Variants in DLEU7 observed in about 807,000 individuals in gnomAD.
DLEU7 encodes the protein leukemia-associated protein 7.
In DLEU7, 17 loss-of-function variants were observed where a neutral mutation model predicts 16.0. The observed-to-expected ratio is 1.06, with a 90% CI of 0.73 to 1.59. The LOEUF (loss-of-function observed/expected upper bound fraction) is 1.59, where lower values mean the gene tolerates loss of function less well. DLEU7 is among the 40% of genes most tolerant of loss of function. The pLI, the probability that DLEU7 is intolerant of heterozygous loss-of-function variation, is 0.00. For synonymous variants in DLEU7, 113 were observed against 139.8 expected (o/e 0.81, Z 1.35); for missense variants, 308 against 314.9 (o/e 0.98, Z 0.17).
intron 1 of DLEU7, among the ~76,000 whole-genome samples, chr13:50,758,291 C>T (rs1193851422): frequency 6.6e-6 from 1 of 152,040 alleles, no homozygotes; most frequent in Non-Finnish European, 1.5e-5. Flanking sequence ...AAAAACACTC[C>T]AAAATGTGTC....
chr13:50,838,825 C>G (rs902727741), intron 1 of DLEU7, among the ~76,000 whole-genome samples: 1 of 152,140 alleles, frequency 6.6e-6, no homozygotes, highest in African/African-American at 2.4e-5. Context: ...TAAGAAGAGA[C>G]ACCAAAGACA....
At chr13:50,827,988 A>G (rs1328103293) in intron 1 of DLEU7, among the ~76,000 whole-genome samples, 1 of 152,206 alleles carries the variant, frequency 6.6e-6, no homozygotes, top group African/African-American at 2.4e-5. Context: ...TAAAACCAAA[A>G]AAAATCATTA....
At chr13:50,741,876 G>T (rs1207743569) in intron 1 of DLEU7, among the ~76,000 whole-genome samples, 1 of 152,126 alleles carries the variant, frequency 6.6e-6, no homozygotes, top group Non-Finnish European at 1.5e-5. Flanking sequence ...GTTTTTGCAT[G>T]GGAGGGCCAA....
At chr13:50,830,815 A>G (rs903390321) in intron 1 of DLEU7, among the ~76,000 whole-genome samples, 1 of 152,136 alleles carries the variant, frequency 6.6e-6, no homozygotes, top group Non-Finnish European at 1.5e-5. Context: ...GAAGCTCTCC[A>G]AGTCATTACA....
At chr13:50,724,037 A>G (rs1873695952) in intron 1 of DLEU7, among the ~76,000 whole-genome samples, 1 of 151,922 alleles carries the variant, frequency 6.6e-6, no homozygotes, top group African/African-American at 2.4e-5. Flanking sequence ...ATGTACTACC[A>G]TTGTGTTTAT....
intron 1 of DLEU7, among the ~76,000 whole-genome samples, chr13:50,764,952 G>T (rs553920821): frequency 6.6e-6 from 1 of 151,974 alleles, no homozygotes; most frequent in Non-Finnish European, 1.5e-5. Context: ...GGGCAATCTC[G>T]GCTCACTGCA....
intron 1 of DLEU7, among the ~76,000 whole-genome samples, chr13:50,838,059 CTTA>C (rs1877530013): frequency 6.6e-6 from 1 of 152,000 alleles, no homozygotes; most frequent in African/African-American, 2.4e-5. Flanking sequence ...GAAAGATTTG[CTTA>C]TTATTTTTTT....
At chr13:50,762,968 G>A (rs1346808545) in intron 1 of DLEU7, among the ~76,000 whole-genome samples, 2 of 152,176 alleles carry the variant, frequency 1.3e-5, no homozygotes, top group African/African-American at 4.8e-5. Flanking sequence ...GAGAGAAAGT[G>A]CCCTGCAGAC....
chr13:50,838,385 A>G (rs1247989263), intron 1 of DLEU7, among the ~76,000 whole-genome samples: 1 of 152,276 alleles, frequency 6.6e-6, no homozygotes, highest in Non-Finnish European at 1.5e-5. Flanking sequence ...CTTGGAAACT[A>G]TAAATGTTTT....
chr13:50,776,363 G>A (rs1875494328), intron 1 of DLEU7, among the ~76,000 whole-genome samples: 2 of 152,200 alleles, frequency 1.3e-5, no homozygotes, highest in African/African-American at 4.8e-5. Flanking sequence ...TCACTGGCCT[G>A]GGCACACTTT....
chr13:50,809,532 G>A (rs568717941), intron 1 of DLEU7, among the ~76,000 whole-genome samples: 2 of 152,090 alleles, frequency 1.3e-5, no homozygotes, highest in Admixed American at 6.6e-5. Flanking sequence ...CTGCCTGAGG[G>A]GTTGAGATTT....
chr13:50,823,454 T>A lies in DLEU7; in HGVS notation c.526A>T (p.Arg176Ter), dbSNP rs1457889276. 1 of 1,535,956 alleles carries A rather than the reference T, an allele frequency of 6.5e-7. No homozygotes were observed. The highest frequency in any genetic ancestry group is 2.0e-5 in the Admixed American group (1 of 50,996). ...ALQIEGQQFD[R>*]DLNAAHQCLK... ...CACTGGTGGGCAGCATTCAAGTCTC[T>A]GTCAAACTGCTGTCCTTCAATCTGT... The change falls in exon 2 of 2, where the codon AGA becomes TGA. Residue 176 changes from arginine (R) to a stop codon, truncating the protein, a stop_gained. Coordinates refer to ENST00000504404, the MANE Select transcript of DLEU7 (RefSeq NM_001306135.2). LOFTEE classifies it high-confidence loss of function.
At chr13:50,800,130 T>G (rs1876207096) in intron 1 of DLEU7, among the ~76,000 whole-genome samples, 1 of 152,018 alleles carries the variant, frequency 6.6e-6, no homozygotes, top group South Asian at 2.1e-4. Context: ...GGTGGCAGAT[T>G]AAGAAAGCAC....
At chr13:50,780,872 G>A (rs573519279) in intron 1 of DLEU7, among the ~76,000 whole-genome samples, 6 of 152,146 alleles carry the variant, frequency 3.9e-5, no homozygotes, top group South Asian at 2.1e-4. Flanking sequence ...GTGATATCTC[G>A]CCTTCCTGTC....
Position 50,843,661 on chromosome 13 carries a change from G to A in DLEU7, c.-15C>T, listed in dbSNP as rs1197801814. 6.7e-7 allele frequency: 1 copy of A among 1,499,938 alleles called. No homozygotes were observed. The highest frequency in any genetic ancestry group is 8.8e-7 in the Non-Finnish European group (1 of 1,131,806). The allele number at this position is 1,499,938 out of a possible 1,614,324, so 92.9% of individuals were successfully genotyped here. ...GGGCTGGCCATCGCCTCCGCTGGCG[G>A]CCCGGCGCGCTCCGCGTGCAGGTGG... is the stretch of plus-strand genomic sequence containing the variant. On this transcript the variant is annotated 5_prime_UTR_variant, in exon 1 of 2. Coordinates refer to ENST00000504404, the MANE Select transcript of DLEU7 (RefSeq NM_001306135.2). This position sits in a 1 kb window ranked among gnomAD's most constrained non-coding sequence, Gnocchi z 5.7.
chr13:50,768,605 G>C (rs1487928603), intron 1 of DLEU7, among the ~76,000 whole-genome samples: 1 of 152,126 alleles, frequency 6.6e-6, no homozygotes, highest in Non-Finnish European at 1.5e-5. Flanking sequence ...CCTTACAAAG[G>C]ACATAAATTC....
downstream of DLEU7, among the ~76,000 whole-genome samples, chr13:50,821,902 T>C (rs1876918346): frequency 6.6e-6 from 1 of 152,142 alleles, no homozygotes; most frequent in Non-Finnish European, 1.5e-5. Flanking sequence ...CAACGTTTCT[T>C]AGGTGTGGGA....
intron 1 of DLEU7, among the ~76,000 whole-genome samples, chr13:50,790,807 G>A (rs894109165): frequency 3.3e-5 from 5 of 152,144 alleles, no homozygotes; most frequent in Admixed American, 6.5e-5. Context: ...ATGCTCTCTC[G>A]AGGTCCTGGT....
chr13:50,830,023 C>T (rs1278253026), intron 1 of DLEU7, among the ~76,000 whole-genome samples: 1 of 152,152 alleles, frequency 6.6e-6, no homozygotes, highest in Non-Finnish European at 1.5e-5. Flanking sequence ...TCCTCCCAGC[C>T]GCTTTTATTT....
Sources: allele counts gnomAD v4.1 joint callset (sites outside exome capture counted in the v4.1 genomes callset), GRCh38; gene constraint gnomAD v4.1.1; non-coding constraint Gnocchi (gnomAD v3.1); transcripts MANE v1.5; gene names NCBI Gene and HGNC (gene_info 2026-07-23, HGNC 2026-07-21).